The following TRIM41 variants were observed in gnomAD, a reference collection of about 807,000 sequenced individuals.
TRIM41 encodes tripartite motif containing 41, also known as E3 ubiquitin-protein ligase TRIM41.
TRIM41 carries 21 observed loss-of-function variants against 60.6 expected under a neutral mutation model. The observed-to-expected ratio is 0.35, with a 90% CI of 0.25 to 0.50. The LOEUF (loss-of-function observed/expected upper bound fraction) is 0.50, where lower values mean the gene tolerates loss of function less well. Among genes scored for constraint, TRIM41 ranks in the 20% least tolerant of loss-of-function variants. The pLI is 0.98. For synonymous variants in TRIM41, 407 were observed against 344.9 expected (o/e 1.18, Z -2.00); for missense variants, 846 against 868.3 (o/e 0.97, Z 0.32).
Position 181,223,979 on chromosome 5 carries a change from A to G in TRIM41, c.-21A>G, listed in dbSNP as rs201068868. The stretch of plus-strand genomic sequence containing the variant: ...CCTCGCCCCCCCACCGAACCTCTAC[A>G]CTGGCTGGCTGGACACTAAGATGGC... On this transcript the variant is annotated 5_prime_UTR_variant, in exon 1 of 6. Transcript: ENST00000315073. 1.9e-6 allele frequency: 3 copies of G among 1,599,060 alleles called. No homozygotes were observed. The East Asian group carries it at 6.7e-5, about 36-fold the overall frequency.
Position 181,230,619 on chromosome 5 carries a change from T to C in TRIM41, c.814-125T>C, listed in dbSNP as rs950879232. ...AGTGGAGGAAGGTATAATACTCACT[T>C]GACACCCATTTTCGGGGGTAGGGAT... On this transcript the variant is annotated intron_variant, in intron 1 of 5. Transcript: ENST00000315073. 5.0e-5 allele frequency: 33 copies of C among 655,094 alleles called. 1 individual carries two copies. The South Asian group carries it at 5.8e-4, about 11-fold the overall frequency. The allele number at this position is 655,094 out of a possible 1,614,324, so 40.6% of individuals were successfully genotyped here.
At position 181,223,968 on chromosome 5, in the gene TRIM41, C is replaced by G. The variant is rs778403527; in HGVS notation, c.-32C>G. 1 of 1,578,408 alleles carries G rather than the reference C, an allele frequency of 6.3e-7. No individual in the cohort carries two copies. Among genetic ancestry groups the G allele is most frequent in the Non-Finnish European group, 8.6e-7 (1 of 1,158,216 alleles). On this transcript the variant is annotated 5_prime_UTR_variant, in exon 1 of 6. Transcript: ENST00000315073. ...AGACCCCCGCCCCTCGCCCCCCCAC[C>G]GAACCTCTACACTGGCTGGCTGGAC...
In TRIM41 at chr5:181,233,999, G is replaced by T; in HGVS notation, c.1292-175G>T. The T allele has an allele frequency of 8.0e-7, 1 of 1,247,196 alleles. No individual in the cohort carries two copies. Among genetic ancestry groups the T allele is most frequent in the South Asian group, 1.4e-5 (1 of 72,184 alleles). 77.3% of individuals were successfully genotyped at this position (1,247,196 alleles called of 1,614,324 possible). A position where few individuals can be genotyped will look rare whatever the true frequency, so the allele number is the denominator to read the frequency against. On this transcript the variant is annotated intron_variant, in intron 5 of 5. Coordinates refer to ENST00000315073, the MANE Select transcript of TRIM41 (RefSeq NM_033549.5). The surrounding 1 kb of genome is among the most constrained non-coding windows in gnomAD (Gnocchi z 4.1). ...GCCAGGCTGGGGGAAGACCTGTCAG[G>T]TATCCTAGGAACAAGAGTGAGGAGC...
Position 181,223,467 on chromosome 5 carries a change from C to T in TRIM41, c.-533C>T, listed in dbSNP as rs1758376805. The T allele has an allele frequency of 2.5e-6, 1 of 401,778 alleles. No individual in the cohort carries two copies. Among genetic ancestry groups the T allele is most frequent in the African/African-American group, 2.0e-5 (1 of 48,812 alleles). The allele number at this position is 401,778 out of a possible 1,614,324, so 24.9% of individuals were successfully genotyped here. ...GGTTCCTCTGTTCTTTCTGCGTTCCCCGCGGCCTCTTACCACAGAGACGCG... is the reference window on the plus strand; with the variant it reads ...GGTTCCTCTGTTCTTTCTGCGTTCCTCGCGGCCTCTTACCACAGAGACGCG... On this transcript the variant is annotated 5_prime_UTR_variant, in exon 1 of 6. Transcript: ENST00000315073.
chr5:181,232,238 C>CG, intron 2 of TRIM41: 5 of 176,398 alleles, frequency 2.8e-5, no homozygotes, highest in South Asian at 1.3e-4. Flanking sequence ...AGTGGGAGCT[C>CG]ATGGTACAGT....
rs1253890723 is a variant in TRIM41 at position 181,223,460 on chromosome 5, G to A, written c.-540G>A. ...GGTAGGCGGTTCCTCTGTTCTTTCT[G>A]CGTTCCCCGCGGCCTCTTACCACAG... is the stretch of plus-strand genomic sequence containing the variant. On this transcript the variant is annotated 5_prime_UTR_variant, in exon 1 of 6. Transcript: ENST00000315073. 2.5e-6 allele frequency: 1 copy of A among 401,574 alleles called. No individual in the cohort carries two copies. Among genetic ancestry groups the A allele is most frequent in the African/African-American group, 2.1e-5 (1 of 48,688 alleles). The allele number at this position is 401,574 out of a possible 1,614,324, so 24.9% of individuals were successfully genotyped here. A position where few individuals can be genotyped will look rare whatever the true frequency, so the allele number is the denominator to read the frequency against.
rs34891840 is a variant in TRIM41 at position 181,230,915 on chromosome 5, G to A, written c.909+76G>A. On this transcript the variant is annotated intron_variant, in intron 2 of 5. Coordinates refer to ENST00000315073, the MANE Select transcript of TRIM41 (RefSeq NM_033549.5). Reference sequence around the variant, plus strand: ...AAGGTAGGGCTTCCCACTCTCACAGGGAGTGACTTGGTCCCCTGAGGAGGG... The same window carrying A: ...AAGGTAGGGCTTCCCACTCTCACAGAGAGTGACTTGGTCCCCTGAGGAGGG... 6.5e-3 allele frequency: 8,673 copies of A among 1,324,452 alleles called. 47 individuals carry two copies. The highest frequency in any genetic ancestry group is 0.016 in the Middle Eastern group (86 of 5,440). The allele number at this position is 1,324,452 out of a possible 1,614,324, so 82.0% of individuals were successfully genotyped here.
Position 181,235,082 on chromosome 5 carries a change from AG to A in TRIM41, c.*311del. 1.2e-6 allele frequency: 2 copies of A among 1,607,546 alleles called. No homozygotes were observed. Among genetic ancestry groups the A allele is most frequent in the Non-Finnish European group, 1.7e-6 (2 of 1,177,486 alleles). On this transcript the variant is annotated 3_prime_UTR_variant, in exon 6 of 6. Coordinates refer to ENST00000315073, the MANE Select transcript of TRIM41 (RefSeq NM_033549.5). ...CCAGCCCTGGGACTGGAATTTGAGTAGGGGATGAGGGGAAATTGTAATTTCA... is the reference window on the plus strand; with the variant it reads ...CCAGCCCTGGGACTGGAATTTGAGTAGGGATGAGGGGAAATTGTAATTTCA...
Position 181,230,948 on chromosome 5 carries a change from A to G in TRIM41, c.909+109A>G, listed in dbSNP as rs532717371. 4 of 943,778 alleles carry G rather than the reference A, an allele frequency of 4.2e-6. 1 individual carries two copies. The highest frequency in any genetic ancestry group is 3.9e-5 in the South Asian group (3 of 76,670). The allele number at this position is 943,778 out of a possible 1,614,324, so 58.5% of individuals were successfully genotyped here. On this transcript the variant is annotated intron_variant, in intron 2 of 5. Coordinates refer to ENST00000315073, the MANE Select transcript of TRIM41 (RefSeq NM_033549.5). ...TTGGTCCCCTGAGGAGGGGACAGCT[A>G]AGGCCTGGGAGAGGGGTAGATGCTT...
rs769082862 is a variant in TRIM41, at chr5:181,235,392, A to T, written c.*617A>T. 11 of 1,614,096 alleles carry T rather than the reference A, an allele frequency of 6.8e-6. No individual in the cohort carries two copies. Among genetic ancestry groups the T allele is most frequent in the Admixed American group, 1.7e-5 (1 of 60,008 alleles). On this transcript the variant is annotated 3_prime_UTR_variant, in exon 6 of 6. Coordinates refer to ENST00000315073, the MANE Select transcript of TRIM41 (RefSeq NM_033549.5). ...TAGCTTCACTTGAGAGAGATCTGGA[A>T]TGGTCGCCATGATTGAAACCACGCA...
At chr5:181,230,523 AAAATAC>A in intron 1 of TRIM41, 1 of 239,084 alleles carries the variant, frequency 4.2e-6, no homozygotes, top group South Asian at 7.2e-5. Context: ...AAAAAAAAAA[AAAATAC>A]ACACAGGGCT....
intron 1 of TRIM41, chr5:181,225,886 GAGGGGGTAGCCTC>G (rs1381478680): frequency 6.6e-6 from 1 of 152,274 alleles, no homozygotes; most frequent in African/African-American, 2.4e-5. Flanking sequence ...CCAGGAGGAG[GAGGGGGTAGCCTC>G]TGTGTGGTCT....
At position 181,234,111 on chromosome 5, in the gene TRIM41, T is replaced by G. The variant is rs933884407; in HGVS notation, c.1292-63T>G. On this transcript the variant is annotated intron_variant, in intron 5 of 5. Coordinates refer to ENST00000315073, the MANE Select transcript of TRIM41 (RefSeq NM_033549.5). This position sits in a 1 kb window ranked among gnomAD's most constrained non-coding sequence, Gnocchi z 5.6. ...GAGAAAGGGGGCCCAATCTGTGGAG[T>G]TGGCTGCTGACAGGGGAACAGCCGT... 6.3e-7 allele frequency: 1 copy of G among 1,599,204 alleles called. No homozygotes were observed. Among genetic ancestry groups the G allele is most frequent in the Non-Finnish European group, 8.5e-7 (1 of 1,179,432 alleles).
rs1322728490 is a variant in TRIM41 at position 181,234,340 on chromosome 5, C to T, written c.1458C>T (p.His486=). Residue 486 remains histidine (H), a synonymous_variant, in exon 6 of 6, where the codon CAC becomes CAT. Coordinates refer to ENST00000315073, the MANE Select transcript of TRIM41 (RefSeq NM_033549.5). The surrounding 1 kb of genome is among the most constrained non-coding windows in gnomAD (Gnocchi z 5.6). ...CCCAGGGCTTCCGCTCCGGCCGGCA[C>T]TACTGGGAGGTAGAGGTGGGCGGGC... ...LGAQGFRSGR[H]YWEVEVGGRR... is the part of the protein sequence containing the mutation. The T allele has an allele frequency of 6.2e-7, 1 of 1,610,466 alleles. No homozygotes were observed. The highest frequency in any genetic ancestry group is 1.3e-5 in the African/African-American group (1 of 74,880).
chr5:181,233,617 C>T lies in TRIM41; in HGVS notation c.1164-19C>T, dbSNP rs764244291. The T allele has an allele frequency of 2.5e-6, 4 of 1,613,656 alleles. No homozygotes were observed. The highest frequency in any genetic ancestry group is 2.2e-5 in the South Asian group (2 of 91,082). ...GGGAATATCGTGGTCCCACCCCCTG[C>T]CCGGTCCCCTTCCTCCAGGTGTGAA... On this transcript the variant is annotated intron_variant, in intron 4 of 5. Transcript: ENST00000315073. This position sits in a 1 kb window ranked among gnomAD's most constrained non-coding sequence, Gnocchi z 4.1.
rs1582282561 is a variant in TRIM41 at position 181,233,567 on chromosome 5, C to T, written c.1164-69C>T. 3.7e-6 allele frequency: 6 copies of T among 1,609,458 alleles called. No individual in the cohort carries two copies. In the East Asian group the frequency reaches 1.1e-4, roughly 30 times the overall value. ...CCATCTCCTGGACCCTCCTCTCCTT[C>T]CCCTCAGCTTTTGCTTTTCCCTCTG... On this transcript the variant is annotated intron_variant, in intron 4 of 5. Transcript: ENST00000315073. This position sits in a 1 kb window ranked among gnomAD's most constrained non-coding sequence, Gnocchi z 4.1.
intron 1 of TRIM41, chr5:181,229,396 C>G (rs1237966022): frequency 6.6e-6 from 1 of 152,232 alleles, no homozygotes; most frequent in Admixed American, 6.5e-5. Context: ...CTCTCCTACC[C>G]TATATTCTCT....
At chr5:181,229,396 C>T (rs1237966022) in intron 1 of TRIM41, 1 of 152,232 alleles carries the variant, frequency 6.6e-6, no homozygotes, top group Non-Finnish European at 1.5e-5. Flanking sequence ...CTCTCCTACC[C>T]TATATTCTCT....
At position 181,224,173 on chromosome 5, in the gene TRIM41, G is replaced by T. The variant is rs761550094; in HGVS notation, c.174G>T (p.Glu58Asp). The change falls in exon 1 of 6, where the codon GAG becomes GAT. Residue 58 changes from glutamate to aspartate, a missense_variant. By Grantham distance (45) the Glu-to-Asp change is conservative. Coordinates refer to ENST00000315073, the MANE Select transcript of TRIM41 (RefSeq NM_033549.5). ...WGGEDEEDRD[E>D]LDREEEEEDG... ...GGGAGGATGAGGAGGACAGAGATGA[G>T]TTAGATCGGGAGGAGGAGGAGGAGG... 1 of 1,614,120 alleles carries T rather than the reference G, an allele frequency of 6.2e-7. No individual in the cohort carries two copies. The highest frequency in any genetic ancestry group is 1.1e-5 in the South Asian group (1 of 91,076).
Sources: gnomAD v4.1 joint callset for allele counts on GRCh38, gnomAD v4.1.1 for gene constraint, Gnocchi (gnomAD v3.1) non-coding constraint, MANE v1.5 for transcripts, NCBI Gene and HGNC (gene_info 2026-07-23, HGNC 2026-07-21) for gene names.